Variants in SEMA3D observed in about 807,000 individuals in gnomAD.
The protein encoded by SEMA3D is semaphorin-3D.
A neutral mutation model predicts 100.1 loss-of-function variants in SEMA3D; 84 were observed. The observed-to-expected ratio is 0.84, with a 90% CI of 0.70 to 1.01. The LOEUF is 1.01. Ranked by LOEUF, SEMA3D falls within the 50% of genes least tolerant of loss-of-function variation. The pLI, the probability that SEMA3D is intolerant of heterozygous loss-of-function variation, is 0.00. For missense variants in SEMA3D, 875 were observed against 934.1 expected (o/e 0.94, Z 0.82); for synonymous variants, 312 against 320.7 (o/e 0.97, Z 0.29).
At chr7:85,215,156 A>G in the SEMA3D span, among the ~76,000 whole-genome samples, 4 of 144,634 alleles carry the variant, frequency 2.8e-5, no homozygotes, top group African/African-American at 1.0e-4. Context: ...AGGTTTCTGG[A>G]CATTTCAGAT....
the SEMA3D span, among the ~76,000 whole-genome samples, chr7:85,233,704 C>T: frequency 6.6e-6 from 1 of 152,188 alleles, no homozygotes; most frequent in Non-Finnish European, 1.5e-5. Context: ...TCTGGTTTTA[C>T]TAGTTTTATC....
At chr7:85,236,285 ATTT>A in the SEMA3D span, among the ~76,000 whole-genome samples, 1,003 of 113,092 alleles carry the variant, frequency 8.9e-3, 8 homozygotes, top group African/African-American at 0.029. Context: ...ATTTTATTTT[ATTT>A]ATTTATTTAT....
intron 18 of SEMA3D, among the ~76,000 whole-genome samples, chr7:85,001,366 A>G (rs796561191): frequency 6.2e-4 from 94 of 152,330 alleles, no homozygotes; most frequent in African/African-American, 2.2e-3. Flanking sequence ...TAAAGCCCAG[A>G]CATTTAGAAA....
intron 4 of SEMA3D, among the ~76,000 whole-genome samples, chr7:85,084,237 C>T (rs1216668295): frequency 6.6e-6 from 1 of 151,852 alleles, no homozygotes; most frequent in East Asian, 1.9e-4. Context: ...CACTTTTTCC[C>T]CCCTCCACTG....
intron 2 of SEMA3D, among the ~76,000 whole-genome samples, chr7:85,126,133 CAA>C (rs764339686): frequency 6.6e-5 from 10 of 151,960 alleles, no homozygotes; most frequent in Non-Finnish European, 8.8e-5. Context: ...CTAAGGAACA[CAA>C]AGAGTCCAGA....
At chr7:85,202,153 A>G in the SEMA3D span, among the ~76,000 whole-genome samples, 8 of 150,512 alleles carry the variant, frequency 5.3e-5, no homozygotes, top group South Asian at 1.7e-3. Flanking sequence ...GGTGTGCTGC[A>G]CCCACTAACT....
chr7:85,104,035 A>C (rs1788828617), intron 3 of SEMA3D, among the ~76,000 whole-genome samples: 1 of 152,068 alleles, frequency 6.6e-6, no homozygotes, highest in Non-Finnish European at 1.5e-5. Context: ...ATCTTACCAG[A>C]AGTCACAGGG....
chr7:85,198,899 T>G, the SEMA3D span, among the ~76,000 whole-genome samples: 1 of 151,556 alleles, frequency 6.6e-6, no homozygotes, highest in Non-Finnish European at 1.5e-5. Flanking sequence ...TTCAATCCTA[T>G]TCCTTCTTTT....
intron 12 of SEMA3D, among the ~76,000 whole-genome samples, chr7:85,023,505 T>G (rs1790311772): frequency 6.6e-6 from 1 of 151,844 alleles, no homozygotes; most frequent in East Asian, 1.9e-4. Flanking sequence ...AATGCATTCT[T>G]TTGGAGAGGA....
At chr7:85,160,770 T>A (rs1490924858) in intron 1 of SEMA3D, among the ~76,000 whole-genome samples, 2 of 152,054 alleles carry the variant, frequency 1.3e-5, no homozygotes, top group Non-Finnish European at 2.9e-5. Context: ...GATGGAAGAT[T>A]AAAGCACTAA....
At chr7:85,141,457 G>A (rs568921036) in intron 2 of SEMA3D, 2 of 984,834 alleles carry the variant, frequency 2.0e-6, no homozygotes, top group East Asian at 2.3e-4. Context: ...TTGGTGTCTT[G>A]ATCTTTCTCC....
chr7:85,233,665 C>T, the SEMA3D span, among the ~76,000 whole-genome samples: 2 of 152,136 alleles, frequency 1.3e-5, no homozygotes, highest in Non-Finnish European at 2.9e-5. Context: ...AAAGATGGTG[C>T]TTGTAATCAT....
intron 3 of SEMA3D, among the ~76,000 whole-genome samples, chr7:85,106,618 C>A (rs1788933470): frequency 2.6e-5 from 4 of 151,944 alleles, no homozygotes; most frequent in African/African-American, 9.7e-5. Context: ...ACAGTCACAG[C>A]TGAGATGTCT....
At chr7:85,105,142 C>T (rs1053235504) in intron 3 of SEMA3D, among the ~76,000 whole-genome samples, 1 of 152,012 alleles carries the variant, frequency 6.6e-6, no homozygotes, top group Non-Finnish European at 1.5e-5. Flanking sequence ...TAAGTAAAAA[C>T]GTTTCTCTTT....
At chr7:85,154,199 A>G (rs1254005013) in intron 1 of SEMA3D, among the ~76,000 whole-genome samples, 24 of 152,008 alleles carry the variant, frequency 1.6e-4, no homozygotes, top group Admixed American at 1.6e-3. Context: ...TGCTAAACTA[A>G]GGAATGTTCA....
At chr7:85,108,410 A>T (rs1300852684) in intron 3 of SEMA3D, among the ~76,000 whole-genome samples, 2 of 152,078 alleles carry the variant, frequency 1.3e-5, no homozygotes, top group Non-Finnish European at 2.9e-5. Context: ...TGCAGTCACA[A>T]GGGGTTCCTT....
chr7:85,019,585 A>T (rs1192725680), intron 14 of SEMA3D, among the ~76,000 whole-genome samples: 1 of 151,782 alleles, frequency 6.6e-6, no homozygotes, highest in Non-Finnish European at 1.5e-5. Context: ...GCATATTTTT[A>T]AAAAAGTTTT....
At chr7:85,055,245 C>T (rs1562799064) in intron 9 of SEMA3D, among the ~76,000 whole-genome samples, 2 of 152,104 alleles carry the variant, frequency 1.3e-5, no homozygotes, top group South Asian at 2.1e-4. Context: ...TCTGATGATG[C>T]TTAAATTACT....
chr7:85,043,274 A>G (rs1454354986), intron 9 of SEMA3D, among the ~76,000 whole-genome samples: 1 of 152,060 alleles, frequency 6.6e-6, no homozygotes, highest in Non-Finnish European at 1.5e-5. Context: ...GAGGAAGATC[A>G]CTTAAGCCCA....
Sources: gnomAD v4.1 joint callset for allele counts (sites outside exome capture counted in the v4.1 genomes callset) on GRCh38, gnomAD v4.1.1 for gene constraint, MANE v1.5 for transcripts, NCBI Gene and HGNC (gene_info 2026-07-23, HGNC 2026-07-21) for gene names.